The following MBTD1 variants were observed in gnomAD, a reference collection of about 807,000 sequenced individuals.
MBTD1 encodes the protein MBT domain-containing protein 1.
Under a neutral mutation model 87.8 loss-of-function variants are expected in MBTD1, and 24 were observed. The observed-to-expected ratio is 0.27, with a 90% CI of 0.20 to 0.38. The LOEUF is 0.38. Ranked by LOEUF, MBTD1 falls within the 10% of genes least tolerant of loss-of-function variation. MBTD1 has a pLI of 1.00. For synonymous variants in MBTD1, 237 were observed against 248.6 expected (o/e 0.95, Z 0.44); for missense variants, 436 against 760.2 (o/e 0.57, Z 5.02).
Position 51,203,175 on chromosome 17 carries a change from C to T in MBTD1, c.793G>A (p.Gly265Ser). The change falls in exon 9 of 17, where the codon GGT (glycine) becomes AGT (serine). Residue 265 changes from glycine (G) to serine (S), a missense_variant. Gly to Ser is a moderately conservative substitution (Grantham distance 56). Coordinates refer to ENST00000586178, the MANE Select transcript of MBTD1 (RefSeq NM_017643.3). ...WKAFLVKRLT[G>S]AKTLPPDFSQ... The stretch of plus-strand genomic sequence containing the variant: ...AAATCAGGAGGCAGTGTTTTGGCAC[C>T]AGTAAGTCGTTTCACTAGAAAAGCT... 1 of 1,587,658 alleles carries T rather than the reference C, an allele frequency of 6.3e-7. No homozygotes were observed. The highest frequency in any genetic ancestry group is 1.2e-5 in the South Asian group (1 of 85,428).
rs1237240964 is a variant in MBTD1, at chr17:51,178,097, A to G, written c.*2479T>C. ...AAGTCCCCAAATAAATCCTAACAGG[A>G]AAAACAAAACAAAACAAAAACAAAC... is the stretch of plus-strand genomic sequence containing the variant. On this transcript the variant is annotated 3_prime_UTR_variant, in exon 17 of 17. Coordinates refer to ENST00000586178, the MANE Select transcript of MBTD1 (RefSeq NM_017643.3). 6.6e-6 allele frequency: 1 copy of G among 152,240 alleles called. No homozygotes were observed. The highest frequency in any genetic ancestry group is 1.5e-5 in the Non-Finnish European group (1 of 68,030). 9.4% of individuals were successfully genotyped at this position (152,240 alleles called of 1,614,324 possible).
At chr17:51,184,165 C>G (rs544307227) in intron 16 of MBTD1, 1 of 152,302 alleles carries the variant, frequency 6.6e-6, no homozygotes, top group Non-Finnish European at 1.5e-5. Flanking sequence ...TAAAGTTTCA[C>G]TGTTTTCATG....
At position 51,178,166 on chromosome 17, in the gene MBTD1, G is replaced by A. The variant is rs191722971; in HGVS notation, c.*2410C>T. 4.6e-5 allele frequency: 7 copies of A among 152,262 alleles called. No individual in the cohort carries two copies. The East Asian group carries it at 1.2e-3, about 25-fold the overall frequency. The allele number at this position is 152,262 out of a possible 1,614,324, so 9.4% of individuals were successfully genotyped here. A position where few individuals can be genotyped will look rare whatever the true frequency, so the allele number is the denominator to read the frequency against. On this transcript the variant is annotated 3_prime_UTR_variant, in exon 17 of 17. Coordinates refer to ENST00000586178, the MANE Select transcript of MBTD1 (RefSeq NM_017643.3). ...TTTGAACCGTAAAAGAGAATGGGGC[G>A]ATTGAGTTGTACAACTGGAGTTATG...
chr17:51,200,076 T>C (rs1038507861), intron 12 of MBTD1, among the ~76,000 whole-genome samples: 8 of 152,198 alleles, frequency 5.3e-5, no homozygotes, highest in Non-Finnish European at 1.0e-4. Flanking sequence ...CCGCTTGCCT[T>C]GGCCTCCCAA....
intron 2 of MBTD1, among the ~76,000 whole-genome samples, chr17:51,258,782 T>C (rs1165599866): frequency 6.6e-6 from 1 of 152,228 alleles, no homozygotes; most frequent in Non-Finnish European, 1.5e-5. Context: ...GAAATTCCCA[T>C]ATTGTAATTC....
In MBTD1 at chr17:51,179,508, A is replaced by ATATT. The variant is rs1555673788; in HGVS notation, c.*1067_*1068insAATA. The ATATT allele has an allele frequency of 7.6e-3, 640 of 83,780 alleles. 36 individuals carry two copies. Among genetic ancestry groups the ATATT allele is most frequent in the African/African-American group, 0.027 (609 of 22,526 alleles). The allele number at this position is 83,780 out of a possible 1,614,324, so 5.2% of individuals were successfully genotyped here. On this transcript the variant is annotated 3_prime_UTR_variant, in exon 17 of 17. Coordinates refer to ENST00000586178, the MANE Select transcript of MBTD1 (RefSeq NM_017643.3). ...TTTATATATATATATATATATATAT[A>ATATT]TATATATATATATATATATATATAT...
At position 51,202,978 on chromosome 17, in the gene MBTD1, G is replaced by A. The variant is rs771759274; in HGVS notation, c.829-43C>T. 7 of 1,487,556 alleles carry A rather than the reference G, an allele frequency of 4.7e-6. 1 individual carries two copies. The South Asian group carries it at 8.0e-5, about 17-fold the overall frequency. The allele number at this position is 1,487,556 out of a possible 1,614,324, so 92.1% of individuals were successfully genotyped here. On this transcript the variant is annotated intron_variant, in intron 9 of 16. Transcript: ENST00000586178. ...AAAACTGCTCGAAATTCATGACAAA[G>A]GTCTACAAGAAATTTTTGTATTATA...
At chr17:51,232,376 C>T (rs545407348) in intron 2 of MBTD1, among the ~76,000 whole-genome samples, 1 of 152,160 alleles carries the variant, frequency 6.6e-6, no homozygotes, top group Non-Finnish European at 1.5e-5. Flanking sequence ...AGTAATCCAC[C>T]ATGAGCAAGC....
chr17:51,241,593 T>C (rs548332569), intron 2 of MBTD1, among the ~76,000 whole-genome samples: 93 of 152,030 alleles, frequency 6.1e-4, no homozygotes, highest in African/African-American at 1.8e-3. Flanking sequence ...TGAGATAGCG[T>C]CTCGCTGTTG....
chr17:51,192,702 A>C (rs748452181), intron 15 of MBTD1, 80 bp downstream of exon 15: 2 of 1,576,774 alleles, frequency 1.3e-6, no homozygotes, highest in South Asian at 1.2e-5. Flanking sequence ...CTGTGAGCTC[A>C]TAAGATGACT....
chr17:51,242,843 A>G (rs975281208), intron 2 of MBTD1, among the ~76,000 whole-genome samples: 4 of 152,200 alleles, frequency 2.6e-5, no homozygotes, highest in African/African-American at 9.6e-5. Context: ...CAAAAGTCAC[A>G]TACTATATTC....
chr17:51,259,057 A>G (rs1223399441), intron 2 of MBTD1, 86 bp downstream of exon 2: 5 of 399,226 alleles, frequency 1.3e-5, no homozygotes, highest in Non-Finnish European at 2.2e-5. Context: ...GCAGACAACA[A>G]TTAGAACTAC....
At chr17:51,212,306 C>T (rs1047259201) in intron 6 of MBTD1, among the ~76,000 whole-genome samples, 12 of 150,152 alleles carry the variant, frequency 8.0e-5, no homozygotes, top group Non-Finnish European at 1.8e-4. Flanking sequence ...TGCAGTGAGT[C>T]GAGATCACAC....
chr17:51,242,503 G>A (rs1025097835), intron 2 of MBTD1, among the ~76,000 whole-genome samples: 1 of 152,186 alleles, frequency 6.6e-6, no homozygotes, highest in African/African-American at 2.4e-5. Flanking sequence ...GAGTATAAAA[G>A]TTCCTTGGAT....
chr17:51,254,220 T>C (rs1195457658), intron 2 of MBTD1, among the ~76,000 whole-genome samples: 1 of 152,206 alleles, frequency 6.6e-6, no homozygotes, highest in East Asian at 1.9e-4. Context: ...AAGAGCTATT[T>C]AGCTCCTGCA....
At chr17:51,213,017 C>T (rs2052345325) in intron 6 of MBTD1, among the ~76,000 whole-genome samples, 1 of 149,284 alleles carries the variant, frequency 6.7e-6, no homozygotes. Flanking sequence ...CGTGAGTCAC[C>T]GTGCCTGGCC....
chr17:51,189,359 G>A (rs754746127), intron 16 of MBTD1, among the ~76,000 whole-genome samples: 2 of 152,166 alleles, frequency 1.3e-5, no homozygotes, highest in Admixed American at 1.3e-4. Context: ...TAGAGATGAT[G>A]TCATACTATT....
At chr17:51,240,472 G>A (rs1190872117) in intron 2 of MBTD1, among the ~76,000 whole-genome samples, 1 of 152,106 alleles carries the variant, frequency 6.6e-6, no homozygotes, top group Non-Finnish European at 1.5e-5. Flanking sequence ...AGGAATCTTG[G>A]TCAGATATTT....
chr17:51,190,893 C>A (rs2050776646), intron 16 of MBTD1, among the ~76,000 whole-genome samples: 1 of 150,950 alleles, frequency 6.6e-6, no homozygotes, highest in Non-Finnish European at 1.5e-5. Flanking sequence ...CCAGCCTGGG[C>A]AACGTGGCAA....
Sources: allele counts gnomAD v4.1 joint callset (sites outside exome capture counted in the v4.1 genomes callset), GRCh38; gene constraint gnomAD v4.1.1; transcripts MANE v1.5; gene names NCBI Gene and HGNC (gene_info 2026-07-23, HGNC 2026-07-21).